Variants in ASTN2 observed in about 807,000 individuals in gnomAD.
The protein encoded by ASTN2 is astrotactin 2.
ASTN2 carries 54 observed loss-of-function variants against 139.8 expected under a neutral mutation model. The observed-to-expected ratio is 0.39, with a 90% CI of 0.31 to 0.48. The LOEUF is 0.48. Ranked by LOEUF, ASTN2 falls within the 20% of genes least tolerant of loss-of-function variation. The pLI is 0.95. For missense variants in ASTN2, 1,565 were observed against 1,725.1 expected (o/e 0.91, Z 1.64); for synonymous variants, 756 against 719.5 (o/e 1.05, Z -0.81).
At chr9:117,106,619 C>G (rs1829110773) in intron 4 of ASTN2, among the ~76,000 whole-genome samples, 1 of 152,080 alleles carries the variant, frequency 6.6e-6, no homozygotes, top group African/African-American at 2.4e-5. Flanking sequence ...AAGAAAGGCA[C>G]AAAGAAGAAA....
intron 1 of ASTN2, among the ~76,000 whole-genome samples, chr9:117,298,969 C>T (rs986450845): frequency 6.6e-6 from 1 of 151,974 alleles, no homozygotes; most frequent in Non-Finnish European, 1.5e-5. Context: ...TGGCTGGATT[C>T]CCATACAGCA....
chr9:117,359,622 T>C (rs183401696), intron 1 of ASTN2, among the ~76,000 whole-genome samples: 1 of 152,306 alleles, frequency 6.6e-6, no homozygotes, highest in Non-Finnish European at 1.5e-5. Flanking sequence ...TTGAAATCTG[T>C]GGGTGCCTGT....
intron 3 of ASTN2, among the ~76,000 whole-genome samples, chr9:117,200,742 C>T (rs912675476): frequency 5.3e-5 from 8 of 152,148 alleles, no homozygotes; most frequent in Non-Finnish European, 1.2e-4. Flanking sequence ...AGTTTTTTGA[C>T]GTGCTGCTGG....
chr9:117,050,534 C>T (rs539527068), intron 5 of ASTN2, among the ~76,000 whole-genome samples: 7 of 152,162 alleles, frequency 4.6e-5, no homozygotes, highest in South Asian at 2.1e-4. Context: ...AAAAGCCCAC[C>T]GTAAGCACCA....
At chr9:116,802,023 T>C (rs989621853) in intron 13 of ASTN2, among the ~76,000 whole-genome samples, 2 of 151,918 alleles carry the variant, frequency 1.3e-5, no homozygotes, top group Admixed American at 6.6e-5. Flanking sequence ...TAAAATTGTG[T>C]CTGGGACTGG....
rs7872333 is a variant in ASTN2, at chr9:117,068,476, G to A, written c.1276+27568C>T. 2.2e-5 allele frequency among the ~76,000 whole-genome samples: 2 copies of A among 89,918 alleles called. 1 individual carries two copies. The highest frequency in any genetic ancestry group is 4.6e-5 in the Non-Finnish European group (2 of 43,368). 59.0% of individuals were successfully genotyped at this position (89,918 alleles called of 152,430 possible). On this transcript the variant is annotated intron_variant, in intron 5 of 22. Transcript: ENST00000313400. ...ATATTGGTCGAAAATTCTCTTTTTT[G>A]GTTGTGCCTCTGCCTGGCTTTGGTA...
At chr9:116,991,365 G>C (rs1008891886) in intron 7 of ASTN2, among the ~76,000 whole-genome samples, 1 of 152,126 alleles carries the variant, frequency 6.6e-6, no homozygotes, top group African/African-American at 2.4e-5. Flanking sequence ...TGGTTTCCTA[G>C]AGGTCCCTTC....
At chr9:117,409,072 T>A (rs527842470) in intron 1 of ASTN2, among the ~76,000 whole-genome samples, 2 of 152,314 alleles carry the variant, frequency 1.3e-5, no homozygotes, top group South Asian at 2.1e-4. Context: ...AATATCTCAA[T>A]TAGCAGTAAA....
intron 1 of ASTN2, among the ~76,000 whole-genome samples, chr9:117,293,157 C>G (rs185954039): frequency 6.6e-6 from 1 of 152,196 alleles, no homozygotes; most frequent in African/African-American, 2.4e-5. Flanking sequence ...CTCTCCCACT[C>G]CTCATTCAGT....
At chr9:117,039,027 A>T (rs1838474970) in intron 6 of ASTN2, among the ~76,000 whole-genome samples, 1 of 152,216 alleles carries the variant, frequency 6.6e-6, no homozygotes, top group African/African-American at 2.4e-5. Flanking sequence ...CTTCCTTGTC[A>T]TATGATTCTA....
At chr9:117,316,092 C>T (rs962382796) in intron 1 of ASTN2, among the ~76,000 whole-genome samples, 1 of 152,200 alleles carries the variant, frequency 6.6e-6, no homozygotes, top group Non-Finnish European at 1.5e-5. Flanking sequence ...GATTTGACAA[C>T]CCATCACAAA....
chr9:117,187,075 G>C (rs532410324), intron 3 of ASTN2, among the ~76,000 whole-genome samples: 1 of 152,302 alleles, frequency 6.6e-6, no homozygotes, highest in Non-Finnish European at 1.5e-5. Context: ...GTCACAGTGA[G>C]CTGAGATTGT....
At chr9:117,081,859 T>G (rs1376947717) in intron 5 of ASTN2, among the ~76,000 whole-genome samples, 1 of 152,094 alleles carries the variant, frequency 6.6e-6, no homozygotes, top group East Asian at 1.9e-4. Flanking sequence ...CTCATACAGC[T>G]ACAAGGAAAT....
intron 13 of ASTN2, among the ~76,000 whole-genome samples, chr9:116,786,247 C>A (rs1195916733): frequency 1.3e-5 from 2 of 152,162 alleles, no homozygotes; most frequent in African/African-American, 2.4e-5. Flanking sequence ...AACATAGAAT[C>A]CCCTGCCTAA....
chr9:117,373,305 G>A (rs1261980235), intron 1 of ASTN2, among the ~76,000 whole-genome samples: 1 of 152,130 alleles, frequency 6.6e-6, no homozygotes, highest in Admixed American at 6.5e-5. Flanking sequence ...TGTTCCACTG[G>A]CTGCTAAGAT....
At chr9:116,966,611 G>A (rs973193656) in intron 10 of ASTN2, among the ~76,000 whole-genome samples, 2 of 152,054 alleles carry the variant, frequency 1.3e-5, no homozygotes, top group Admixed American at 1.3e-4. Context: ...CAGGTAGTGG[G>A]GCTGGAAAGA....
intron 12 of ASTN2, among the ~76,000 whole-genome samples, chr9:116,818,667 A>C (rs2132267436): frequency 6.6e-6 from 1 of 152,336 alleles, no homozygotes; most frequent in Non-Finnish European, 1.5e-5. Flanking sequence ...TATTAGAATC[A>C]CTTAAGTTAA....
chr9:116,443,059 C>T (rs1847885144), intron 20 of ASTN2, among the ~76,000 whole-genome samples: 1 of 152,036 alleles, frequency 6.6e-6, no homozygotes, highest in African/African-American at 2.4e-5. Context: ...AAAAAGTAAA[C>T]AAAAAATCAG....
At chr9:116,437,419 G>A (rs915545521) in intron 22 of ASTN2, 4 of 471,292 alleles carry the variant, frequency 8.5e-6, no homozygotes, top group African/African-American at 8.0e-5. Flanking sequence ...CAGAGGAGGA[G>A]GAAGCTGGGT....
Sources: allele counts gnomAD v4.1 joint callset (sites outside exome capture counted in the v4.1 genomes callset), GRCh38; gene constraint gnomAD v4.1.1; transcripts MANE v1.5; gene names NCBI Gene and HGNC (gene_info 2026-07-23, HGNC 2026-07-21).